The following NBEA variants were observed in gnomAD, a reference collection of about 807,000 sequenced individuals.
NBEA encodes the protein neurobeachin.
NBEA carries 44 observed loss-of-function variants against 343.4 expected under a neutral mutation model. The ratio of observed to expected loss-of-function variants is 0.13; its 90% CI spans 0.10 to 0.16. The LOEUF (loss-of-function observed/expected upper bound fraction) is 0.16. NBEA is among the 10% of genes least tolerant of loss of function. The pLI is 1.00. For missense variants in NBEA, 2,555 were observed against 3,631.3 expected, an observed-to-expected ratio of 0.70 and a Z score of 7.62; for synonymous variants, 1,175 against 1,238.7, an observed-to-expected ratio of 0.95 and a Z score of 1.08.
intron 34 of NBEA, among the ~76,000 whole-genome samples, chr13:35,277,992 CAGG>C (rs1429544132): frequency 6.6e-6 from 1 of 151,392 alleles, no homozygotes; most frequent in Non-Finnish European, 1.5e-5. Flanking sequence ...GAGGCTGAGG[CAGG>C]AGAATTGCTT....
At chr13:35,252,989 T>C (rs539438270) in intron 34 of NBEA, among the ~76,000 whole-genome samples, 1 of 152,228 alleles carries the variant, frequency 6.6e-6, no homozygotes, top group South Asian at 2.1e-4. Context: ...ACTTGAAGGA[T>C]TGCATCCTGA....
At chr13:35,000,790 G>GT (rs201797408) in intron 1 of NBEA, among the ~76,000 whole-genome samples, 8 of 150,764 alleles carry the variant, frequency 5.3e-5, no homozygotes, top group African/African-American at 7.4e-5. Context: ...ACATATTATT[G>GT]TTTTTTTAAA....
chr13:35,137,947 C>T (rs1205664622), intron 17 of NBEA, among the ~76,000 whole-genome samples: 5 of 151,808 alleles, frequency 3.3e-5, no homozygotes, highest in Non-Finnish European at 5.9e-5. Context: ...CACAAAATCC[C>T]TTGAAATTCA....
intron 28 of NBEA, among the ~76,000 whole-genome samples, chr13:35,178,443 T>C (rs1286936144): frequency 6.6e-6 from 1 of 151,690 alleles, no homozygotes; most frequent in Non-Finnish European, 1.5e-5. Context: ...TTTAAGCATA[T>C]ATTTTTGAAG....
intron 39 of NBEA, among the ~76,000 whole-genome samples, chr13:35,438,540 A>G (rs1376312935): frequency 6.6e-6 from 1 of 152,224 alleles, no homozygotes; most frequent in Non-Finnish European, 1.5e-5. Flanking sequence ...TATTGGTTGT[A>G]TTATGTAGAG....
At chr13:35,559,705 G>C (rs1243429730) in intron 44 of NBEA, among the ~76,000 whole-genome samples, 1 of 152,066 alleles carries the variant, frequency 6.6e-6, no homozygotes, top group Non-Finnish European at 1.5e-5. Context: ...CACGAGGTCA[G>C]GAGATGGAGA....
At chr13:35,522,022 T>C (rs9593236) in intron 41 of NBEA, among the ~76,000 whole-genome samples, 111,265 of 151,930 alleles carry the variant, frequency 0.73, 41,467 homozygotes, top group Non-Finnish European at 0.81. Context: ...TCCATACAGA[T>C]AGAAGGAACA....
chr13:35,439,478 G>C (rs2045619250), intron 39 of NBEA, among the ~76,000 whole-genome samples: 1 of 152,184 alleles, frequency 6.6e-6, no homozygotes, highest in African/African-American at 2.4e-5. Context: ...ATGGCATGGA[G>C]ACATAAACGA....
chr13:35,668,164 G>A (rs1384542225), intron 57 of NBEA, among the ~76,000 whole-genome samples: 6 of 152,168 alleles, frequency 3.9e-5, no homozygotes, highest in East Asian at 1.9e-4. Flanking sequence ...TAAGAACTTC[G>A]ATGAATTCCA....
intron 40 of NBEA, among the ~76,000 whole-genome samples, chr13:35,458,751 A>T (rs947936108): frequency 6.6e-6 from 1 of 152,124 alleles, no homozygotes; most frequent in African/African-American, 2.4e-5. Context: ...CTTCTGGTAA[A>T]CGTGTCATTT....
At chr13:35,579,537 GA>G (rs2080910427) in intron 45 of NBEA, among the ~76,000 whole-genome samples, 1 of 151,968 alleles carries the variant, frequency 6.6e-6, no homozygotes, top group Non-Finnish European at 1.5e-5. Flanking sequence ...TGAAACTAAA[GA>G]AAAAGTTAGC....
chr13:35,168,916 T>C, intron 24 of NBEA, 71 bp from the exon 25 acceptor site: 1 of 1,075,226 alleles, frequency 9.3e-7, no homozygotes, highest in Non-Finnish European at 1.3e-6. Flanking sequence ...CATTGTATTT[T>C]CATTTAATTT....
intron 24 of NBEA, among the ~76,000 whole-genome samples, chr13:35,166,154 T>C (rs558854265): frequency 1.3e-5 from 2 of 152,314 alleles, no homozygotes; most frequent in African/African-American, 4.8e-5. Flanking sequence ...TGAATGTTTT[T>C]AAATTTTGCA....
intron 34 of NBEA, chr13:35,251,357 T>G: frequency 9.7e-7 from 1 of 1,029,896 alleles, no homozygotes; most frequent in Non-Finnish European, 1.2e-6. Context: ...TCACCAGCCT[T>G]GGAGAGGACT....
chr13:35,546,930 G>A (rs534063603), intron 41 of NBEA, among the ~76,000 whole-genome samples: 13 of 152,054 alleles, frequency 8.5e-5, no homozygotes, highest in East Asian at 5.8e-4. Context: ...ATCTTATTCC[G>A]TGATCAGTCT....
chr13:35,140,664 C>T (rs750686244), intron 17 of NBEA, among the ~76,000 whole-genome samples: 1 of 152,108 alleles, frequency 6.6e-6, no homozygotes, highest in Non-Finnish European at 1.5e-5. Context: ...ATCAACAATC[C>T]TGTGTCTTTT....
chr13:35,084,519 G>T (rs530610682), intron 10 of NBEA, among the ~76,000 whole-genome samples: 1 of 152,238 alleles, frequency 6.6e-6, no homozygotes, highest in African/African-American at 2.4e-5. Flanking sequence ...AAATAAAAAT[G>T]TTCTTTGAAA....
At chr13:35,066,828 C>T (rs1404025794) in intron 8 of NBEA, among the ~76,000 whole-genome samples, 2 of 151,792 alleles carry the variant, frequency 1.3e-5, no homozygotes, top group Admixed American at 1.3e-4. Flanking sequence ...AGCTATGTGT[C>T]TCATGTTCTT....
intron 24 of NBEA, chr13:35,165,158 T>A: frequency 1.9e-6 from 1 of 530,824 alleles, no homozygotes; most frequent in Admixed American, 2.0e-5. Context: ...CAGAGGGAAA[T>A]ATTTCATTTT....
Sources: allele counts gnomAD v4.1 joint callset (sites outside exome capture counted in the v4.1 genomes callset), GRCh38; gene constraint gnomAD v4.1.1; transcripts MANE v1.5; gene names NCBI Gene and HGNC (gene_info 2026-07-23, HGNC 2026-07-21).